Variants in CECR2 observed in about 807,000 individuals in gnomAD.
The protein encoded by CECR2 is CECR2 histone acetyl-lysine reader, also known as chromatin remodeling regulator CECR2.
In CECR2, 30 loss-of-function variants were observed where a neutral mutation model predicts 154.5. That is an observed-to-expected ratio of 0.19 (90% CI 0.15 to 0.26). The LOEUF (loss-of-function observed/expected upper bound fraction) is 0.26. Among genes scored for constraint, CECR2 ranks in the 10% least tolerant of loss-of-function variants. The pLI, the probability that CECR2 is intolerant of heterozygous loss-of-function variation, is 1.00. For missense variants in CECR2, 1,743 were observed against 1,829.3 expected (o/e 0.95, Z 0.86); for synonymous variants, 725 against 683.7 (o/e 1.06, Z -0.94).
chr22:17,486,806 A>G (rs1448426812), intron 2 of CECR2, among the ~76,000 whole-genome samples: 1 of 152,186 alleles, frequency 6.6e-6, no homozygotes, highest in Admixed American at 6.5e-5. Context: ...GAGCAGGGAG[A>G]AGACAGAAGG....
intron 1 of CECR2, among the ~76,000 whole-genome samples, chr22:17,445,738 G>A (rs747010309): frequency 3.3e-5 from 5 of 151,600 alleles, no homozygotes; most frequent in South Asian, 2.1e-4. Flanking sequence ...GATTACAGGC[G>A]GGCACCACCA....
chr22:17,386,796 G>A (rs1489311067), intron 1 of CECR2, among the ~76,000 whole-genome samples: 10 of 151,854 alleles, frequency 6.6e-5, no homozygotes, highest in African/African-American at 2.4e-4. Context: ...GATTACAGGC[G>A]CATGCCACCA....
intron 1 of CECR2, among the ~76,000 whole-genome samples, chr22:17,460,845 T>G (rs1384143596): frequency 6.6e-6 from 1 of 152,186 alleles, no homozygotes; most frequent in Non-Finnish European, 1.5e-5. Context: ...GAAGGAAATC[T>G]CTTATGTTTA....
At chr22:17,415,294 G>C (rs1305778814) in intron 1 of CECR2, among the ~76,000 whole-genome samples, 1 of 152,060 alleles carries the variant, frequency 6.6e-6, no homozygotes, top group Admixed American at 6.6e-5. Context: ...CTGGAATGCA[G>C]TGGCACAATC....
chr22:17,422,648 A>C (rs1443126479), intron 1 of CECR2, among the ~76,000 whole-genome samples: 1 of 148,420 alleles, frequency 6.7e-6, no homozygotes. Context: ...TCATGTGTTT[A>C]TATTACACCT....
chr22:17,421,540 G>C (rs968377010), intron 1 of CECR2, among the ~76,000 whole-genome samples: 1 of 148,724 alleles, frequency 6.7e-6, no homozygotes, highest in South Asian at 2.1e-4. Context: ...GCGTGAACCC[G>C]GGAGGCGGAG....
At position 17,529,785 on chromosome 22, in the gene CECR2, T is replaced by G. The variant is rs118060833; in HGVS notation, c.1108+5514T>G. 1.7e-3 allele frequency among the ~76,000 whole-genome samples: 252 copies of G among 152,344 alleles called. 1 individual carries two copies. The highest frequency in any genetic ancestry group is 2.0e-3 in the Non-Finnish European group (135 of 68,020). ...GTCACAAATGATAGTTTTCTTTGTT[T>G]GAGACAAAGTCTCGCTCTGCCTCCC... On this transcript the variant is annotated intron_variant, in intron 9 of 18. Coordinates refer to ENST00000262608, the MANE Select transcript of CECR2 (RefSeq NM_001290047.2).
intron 1 of CECR2, among the ~76,000 whole-genome samples, chr22:17,435,977 C>T (rs1353358200): frequency 6.6e-6 from 1 of 152,094 alleles, no homozygotes; most frequent in Non-Finnish European, 1.5e-5. Flanking sequence ...CCCTCCCTCC[C>T]TCTGTCTGTC....
At chr22:17,500,208 C>CTCAA (rs2055710682) in intron 4 of CECR2, among the ~76,000 whole-genome samples, 2 of 115,988 alleles carry the variant, frequency 1.7e-5, no homozygotes, top group African/African-American at 6.3e-5. Context: ...GAGACTCCAT[C>CTCAA]AAAAAAAAAA....
chr22:17,460,712 C>A (rs947255174), intron 1 of CECR2, among the ~76,000 whole-genome samples: 1 of 152,178 alleles, frequency 6.6e-6, no homozygotes, highest in African/African-American at 2.4e-5. Flanking sequence ...CTGTCATCCC[C>A]GGTATCCTTA....
rs71315381 is a variant in CECR2 at position 17,510,895 on chromosome 22, C to A, written c.871-918C>A. 9.1e-3 allele frequency among the ~76,000 whole-genome samples: 1,389 copies of A among 152,084 alleles called. 11 individuals are homozygous for A. The highest frequency in any genetic ancestry group is 0.012 in the Non-Finnish European group (845 of 67,966). On this transcript the variant is annotated intron_variant, in intron 7 of 18. Transcript: ENST00000262608. ...GCTGGGATTACAGGCGTGAGCCACC[C>A]CACCCAGCCCGAAACAGAAAAGCTT...
chr22:17,525,680 G>C (rs2056252831), intron 9 of CECR2, among the ~76,000 whole-genome samples: 1 of 152,184 alleles, frequency 6.6e-6, no homozygotes, highest in African/African-American at 2.4e-5. Flanking sequence ...TATCTCACTT[G>C]TAAGATCTTC....
intron 9 of CECR2, among the ~76,000 whole-genome samples, chr22:17,533,537 C>T (rs1001792963): frequency 4.0e-5 from 6 of 150,388 alleles, no homozygotes; most frequent in African/African-American, 7.3e-5. Context: ...GGCTGAGGCA[C>T]GAGAATTGCT....
chr22:17,481,049 T>TAAAAAAAAAAAAAAGAAAAAAAA (rs572712907), intron 2 of CECR2, among the ~76,000 whole-genome samples: 1 of 92,068 alleles, frequency 1.1e-5, no homozygotes, highest in Non-Finnish European at 2.4e-5. Flanking sequence ...CTTTTTTTTT[T>TAAAAAAAAAAAAAAGAAAAAAAA]AAAAAAAAAA....
chr22:17,417,072 ACTTT>A (rs2054167177), intron 1 of CECR2, among the ~76,000 whole-genome samples: 1 of 151,138 alleles, frequency 6.6e-6, no homozygotes, highest in African/African-American at 2.4e-5. Context: ...TAAGAATTTA[ACTTT>A]ATCACATACA....
intron 1 of CECR2, among the ~76,000 whole-genome samples, chr22:17,396,927 G>A (rs563805113): frequency 8.5e-5 from 13 of 152,142 alleles, no homozygotes; most frequent in Non-Finnish European, 1.5e-4. Context: ...TTAACTGCAT[G>A]TGGTTGGACA....
chr22:17,478,880 C>T (rs898506990), intron 2 of CECR2, among the ~76,000 whole-genome samples: 1 of 152,232 alleles, frequency 6.6e-6, no homozygotes, highest in African/African-American at 2.4e-5. Flanking sequence ...TAAAAATAAA[C>T]ATAAAATATA....
intron 2 of CECR2, among the ~76,000 whole-genome samples, chr22:17,482,732 A>G (rs2055348629): frequency 6.9e-6 from 1 of 145,394 alleles, no homozygotes. Flanking sequence ...GTAGGGTTTC[A>G]TCATGTTGGC....
intron 1 of CECR2, among the ~76,000 whole-genome samples, chr22:17,467,903 G>A (rs2055060811): frequency 6.6e-6 from 1 of 152,180 alleles, no homozygotes; most frequent in Non-Finnish European, 1.5e-5. Flanking sequence ...GAATTCACAC[G>A]ATCTTTTGAG....
Sources: gnomAD v4.1 joint callset for allele counts (sites outside exome capture counted in the v4.1 genomes callset) on GRCh38, gnomAD v4.1.1 for gene constraint, MANE v1.5 for transcripts, NCBI Gene and HGNC (gene_info 2026-07-23, HGNC 2026-07-21) for gene names.